JAKMIP3: variants seen among roughly 807,000 people sequenced by gnomAD.
JAKMIP3 encodes the protein janus kinase and microtubule-interacting protein 3.
In JAKMIP3, 58 loss-of-function variants were observed where a neutral mutation model predicts 118.5. The ratio of observed to expected loss-of-function variants is 0.49; its 90% confidence interval spans 0.40 to 0.61. JAKMIP3 has a LOEUF of 0.61. JAKMIP3 is among the 20% of genes least tolerant of loss of function. The probability of loss-of-function intolerance (pLI) is 0.00; values close to 1 mark genes in which losing one functional copy is unlikely to be tolerated. For missense variants in JAKMIP3, 950 were observed against 1,109.0 expected (o/e 0.86, Z 2.04); for synonymous variants, 486 against 451.2 (o/e 1.08, Z -0.98).
intron 2 of JAKMIP3, among the ~76,000 whole-genome samples, chr10:132,107,833 T>G (rs1191230971): frequency 6.6e-6 from 1 of 152,240 alleles, no homozygotes; most frequent in Non-Finnish European, 1.5e-5. Context: ...TACCTGGGTC[T>G]TGGACTACAT....
chr10:132,107,867 G>A (rs913351585), intron 2 of JAKMIP3, among the ~76,000 whole-genome samples: 30 of 152,256 alleles, frequency 2.0e-4, no homozygotes, highest in Admixed American at 7.2e-4. Flanking sequence ...TGCAGGAGAC[G>A]TTCTTGCAAG....
chr10:132,159,823 G>T (rs1212188563), intron 19 of JAKMIP3, among the ~76,000 whole-genome samples: 2 of 90,580 alleles, frequency 2.2e-5, no homozygotes, highest in Non-Finnish European at 4.2e-5. Flanking sequence ...TGATGCTGGG[G>T]GGCCTCTCCC....
chr10:132,073,773 C>T (rs1379680638), intron 1 of JAKMIP3, among the ~76,000 whole-genome samples: 2 of 152,150 alleles, frequency 1.3e-5, no homozygotes, highest in East Asian at 1.9e-4. Context: ...GCTAGGATTA[C>T]AGGTGTGAGC....
rs1564997155 is a variant in JAKMIP3 at position 132,168,233 on chromosome 10, T to A, written c.*303T>A. 1.6e-6 allele frequency: 2 copies of A among 1,289,110 alleles called. No homozygotes were observed. The highest frequency in any genetic ancestry group is 2.0e-6 in the Non-Finnish European group (2 of 988,658). The allele number at this position is 1,289,110 out of a possible 1,614,324, so 79.9% of individuals were successfully genotyped here. On this transcript the variant is annotated 3_prime_UTR_variant, in exon 23 of 24. Transcript: ENST00000684848. ...CCCTTCTCCCGGACGGCAGCCCCCA[T>A]CCCATTTCCAGGGATGTGTAGCATT...
At chr10:132,157,428 C>G (rs761163172) in intron 19 of JAKMIP3, among the ~76,000 whole-genome samples, 2 of 152,124 alleles carry the variant, frequency 1.3e-5, no homozygotes. Flanking sequence ...CTATCACCAG[C>G]AAAACAGCAA....
intron 16 of JAKMIP3, 123 bp from the exon 17 acceptor site, chr10:132,152,835 T>C: frequency 1.4e-6 from 1 of 703,546 alleles, no homozygotes; most frequent in Non-Finnish European, 2.5e-6. Context: ...ACTTTTTAGC[T>C]CTGGCCCCCA....
intron 1 of JAKMIP3, among the ~76,000 whole-genome samples, chr10:132,100,107 A>G (rs1169787602): frequency 6.6e-6 from 1 of 152,126 alleles, no homozygotes; most frequent in Non-Finnish European, 1.5e-5. Context: ...CCCAGGGCAG[A>G]TGCAGCTGTG....
At chr10:132,159,371 G>GGGGCA (rs2057569477) in intron 19 of JAKMIP3, among the ~76,000 whole-genome samples, 1 of 80,982 alleles carries the variant, frequency 1.2e-5, no homozygotes, top group African/African-American at 4.6e-5. Flanking sequence ...TGTGATGCTG[G>GGGGCA]TTGGGGGGGG....
intron 23 of JAKMIP3, among the ~76,000 whole-genome samples, chr10:132,178,289 G>A (rs934562967): frequency 7.9e-5 from 12 of 152,248 alleles, no homozygotes; most frequent in African/African-American, 2.9e-4. Context: ...GCCCTGGGCA[G>A]ACAGGGAGTT....
chr10:132,091,206 G>C lies in JAKMIP3; in HGVS notation c.-137-13466G>C, dbSNP rs140639738. ...GGAGTGCTTTACTTCCAACTATGTG[G>C]TCAGTTTTGGAATAAGTGTGATGTG... On this transcript the variant is annotated intron_variant, in intron 1 of 23. Transcript: ENST00000684848. Among the ~76,000 whole-genome samples, 78 of 152,294 alleles carry C rather than the reference G, an allele frequency of 5.1e-4. 1 individual carries two copies. In the East Asian group the frequency reaches 0.014, roughly 28 times the overall value.
At chr10:132,172,983 CTCTCT>C (rs2059667944) in intron 23 of JAKMIP3, among the ~76,000 whole-genome samples, 1 of 74,520 alleles carries the variant, frequency 1.3e-5, no homozygotes, top group Admixed American at 1.7e-4. Flanking sequence ...CTCCTTCCCT[CTCTCT>C]CTCTCTCCTT....
intron 1 of JAKMIP3, among the ~76,000 whole-genome samples, chr10:132,076,211 C>T (rs1194660153): frequency 6.6e-6 from 1 of 152,148 alleles, no homozygotes; most frequent in African/African-American, 2.4e-5. Flanking sequence ...CCTTCTTCCT[C>T]TGTAAATTCG....
chr10:132,148,017 C>T lies in JAKMIP3; in HGVS notation c.1815C>T (p.Asn605=), dbSNP rs756808828. ...RHEVQDARDQ[N]ELLEFRILEL... The stretch of plus-strand genomic sequence containing the variant: ...AGGTGCAGGACGCCAGAGACCAAAA[C>T]GAGCTGCTGGAGTTCAGGATCCTGG... Residue 605 remains asparagine (N), a synonymous_variant, in exon 14 of 24, where the codon AAC becomes AAT. Coordinates refer to ENST00000684848, the MANE Select transcript of JAKMIP3 (RefSeq NM_001323087.2). 16 of 1,610,294 alleles carry T rather than the reference C, an allele frequency of 9.9e-6. No homozygotes were observed. Among genetic ancestry groups the T allele is most frequent in the South Asian group, 7.7e-5 (7 of 90,712 alleles).
At chr10:132,097,656 T>C (rs147186795) in intron 1 of JAKMIP3, among the ~76,000 whole-genome samples, 3 of 151,868 alleles carry the variant, frequency 2.0e-5, no homozygotes, top group African/African-American at 7.3e-5. Flanking sequence ...TTTTCCAAGA[T>C]GTTCTCATTG....
At chr10:132,058,935 G>A (rs572895416) in intron 1 of JAKMIP3, among the ~76,000 whole-genome samples, 3 of 152,324 alleles carry the variant, frequency 2.0e-5, no homozygotes, top group East Asian at 3.9e-4. Flanking sequence ...GTCATCCTTC[G>A]CATCGCGTCG....
intron 1 of JAKMIP3, among the ~76,000 whole-genome samples, chr10:132,053,324 A>G (rs2038148629): frequency 6.6e-6 from 1 of 152,228 alleles, no homozygotes; most frequent in East Asian, 1.9e-4. Flanking sequence ...GGGGTGAGGC[A>G]GAGTGTGGGT....
intron 14 of JAKMIP3, among the ~76,000 whole-genome samples, chr10:132,148,319 C>T (rs1380717195): frequency 6.6e-6 from 1 of 152,220 alleles, no homozygotes; most frequent in Non-Finnish European, 1.5e-5. Flanking sequence ...CCGCCCAAAG[C>T]ACGTGTAAAT....
At chr10:132,096,287 G>A (rs112984749) in intron 1 of JAKMIP3, among the ~76,000 whole-genome samples, 4,500 of 152,274 alleles carry the variant, frequency 0.03, 110 homozygotes, top group South Asian at 0.13. Flanking sequence ...TAGAGTGATC[G>A]TTGCTGCCAA....
intron 19 of JAKMIP3, among the ~76,000 whole-genome samples, chr10:132,156,703 T>A (rs2057133538): frequency 1.3e-5 from 2 of 152,204 alleles, no homozygotes; most frequent in African/African-American, 4.8e-5. Context: ...CATGTGCATC[T>A]GCTGCCATCT....
Sources: allele counts gnomAD v4.1 joint callset (sites outside exome capture counted in the v4.1 genomes callset), GRCh38; gene constraint gnomAD v4.1.1; transcripts MANE v1.5; gene names NCBI Gene and HGNC (gene_info 2026-07-23, HGNC 2026-07-21).